Variants in LGALS2 observed in about 807,000 individuals in gnomAD.
The protein encoded by LGALS2 is galectin-2.
A neutral mutation model predicts 10.1 loss-of-function variants in LGALS2; 7 were observed. The observed-to-expected ratio is 0.70, with a 90% CI of 0.40 to 1.31. LGALS2 has a LOEUF of 1.31. Among genes scored for constraint, LGALS2 ranks in the 50% most tolerant of loss-of-function variants. LGALS2 has a pLI of 0.01. For missense variants in LGALS2, 167 were observed against 163.6 expected (o/e 1.02, Z -0.11); for synonymous variants, 86 against 64.2 (o/e 1.34, Z -1.63).
intron 1 of LGALS2, among the ~76,000 whole-genome samples, chr22:37,577,424 A>G (rs967230996): frequency 6.8e-6 from 1 of 147,274 alleles, no homozygotes. Flanking sequence ...ATCTCGGCTC[A>G]CTGCAACCTC....
intron 1 of LGALS2, among the ~76,000 whole-genome samples, chr22:37,574,970 C>G (rs924657785): frequency 2.0e-5 from 3 of 151,574 alleles, no homozygotes; most frequent in African/African-American, 7.3e-5. Context: ...GCAACCTCCA[C>G]TTCCCAGATT....
At position 37,580,040 on chromosome 22, in the gene LGALS2, C is replaced by T. The variant is rs1925804018; in HGVS notation, c.-135G>A. On this transcript the variant is annotated 5_prime_UTR_variant, in exon 1 of 4. Coordinates refer to ENST00000215886, the MANE Select transcript of LGALS2 (RefSeq NM_006498.3). ...GTCCTAGGTGAGGACTTTGCCCCTT[C>T]TACCTTGTGTCTCCCCGCCTGCATC... The T allele has an allele frequency of 3.7e-6, 3 of 801,708 alleles. No homozygotes were observed. Among genetic ancestry groups the T allele is most frequent in the East Asian group, 2.7e-5 (1 of 37,432 alleles). The allele number at this position is 801,708 out of a possible 1,614,324, so 49.7% of individuals were successfully genotyped here. A position where few individuals can be genotyped will look rare whatever the true frequency, so the allele number is the denominator to read the frequency against.
At chr22:37,575,944 A>G (rs1057214622) in intron 1 of LGALS2, among the ~76,000 whole-genome samples, 5 of 152,160 alleles carry the variant, frequency 3.3e-5, no homozygotes, top group African/African-American at 1.2e-4. Flanking sequence ...GTTGAGCAGT[A>G]TTCCTGGCCT....
At position 37,577,516 on chromosome 22, in the gene LGALS2, ATTT is replaced by A. The variant is rs71195027; in HGVS notation, c.6+2381_6+2383del. ...GGGTGCCCACCACAACATCTGTCTA[ATTT>A]TTTTTTCTTCTTCTTCTTCTTTTTT... On this transcript the variant is annotated intron_variant, in intron 1 of 3. Transcript: ENST00000215886. Among the ~76,000 whole-genome samples, 249 of 105,712 alleles carry A rather than the reference ATTT, an allele frequency of 2.4e-3. 9 individuals are homozygous for A. The highest frequency in any genetic ancestry group is 2.2e-3 in the Admixed American group (25 of 11,150). 69.4% of individuals were successfully genotyped at this position (105,712 alleles called of 152,430 possible).
At chr22:37,576,541 A>C (rs1385364606) in intron 1 of LGALS2, among the ~76,000 whole-genome samples, 1 of 151,956 alleles carries the variant, frequency 6.6e-6, no homozygotes, top group Non-Finnish European at 1.5e-5. Flanking sequence ...GGACAGTCCA[A>C]AAGGGGCTCA....
intron 2 of LGALS2, among the ~76,000 whole-genome samples, chr22:37,571,261 T>A (rs2145818331): frequency 6.6e-6 from 1 of 152,294 alleles, no homozygotes; most frequent in South Asian, 2.1e-4. Context: ...GAGAAATAAG[T>A]CACTTTTCCC....
At chr22:37,574,322 C>T (rs982886245) in intron 1 of LGALS2, among the ~76,000 whole-genome samples, 8 of 151,878 alleles carry the variant, frequency 5.3e-5, no homozygotes, top group African/African-American at 1.7e-4. Flanking sequence ...TTGAGACTGG[C>T]CTGGCCAACA....
intron 1 of LGALS2, among the ~76,000 whole-genome samples, chr22:37,574,835 G>A (rs547221978): frequency 1.3e-5 from 2 of 152,032 alleles, no homozygotes; most frequent in African/African-American, 4.8e-5. Flanking sequence ...TGTAGGGGTA[G>A]GTTGTTAGGT....
chr22:37,572,769 A>AATAATAATAATAAT (rs1925538787), intron 1 of LGALS2, among the ~76,000 whole-genome samples: 1 of 136,408 alleles, frequency 7.3e-6, no homozygotes, highest in African/African-American at 2.7e-5. Flanking sequence ...TCCATCTCAA[A>AATAATAATAATAAT]AATAATAATA....
At position 37,570,546 on chromosome 22, in the gene LGALS2, C is replaced by G. The variant is rs772111034; in HGVS notation, c.249+30G>C. 3.7e-6 allele frequency: 6 copies of G among 1,613,744 alleles called. No individual in the cohort carries two copies. The South Asian group carries it at 6.6e-5, about 18-fold the overall frequency. On this transcript the variant is annotated intron_variant, in intron 3 of 3. Transcript: ENST00000215886. ...CATCTGGGCCCTCCCCTTGACATCA[C>G]CCCAGTGCCCTTTCCCCCTTTGACC...
intron 1 of LGALS2, among the ~76,000 whole-genome samples, chr22:37,578,302 G>A (rs978728245): frequency 4.6e-5 from 7 of 152,108 alleles, no homozygotes; most frequent in African/African-American, 1.4e-4. Flanking sequence ...GTGGGTATAT[G>A]AGACAAGGTC....
intron 1 of LGALS2, among the ~76,000 whole-genome samples, chr22:37,574,865 G>A (rs2145821379): frequency 6.6e-6 from 1 of 151,898 alleles, no homozygotes; most frequent in Admixed American, 6.6e-5. Flanking sequence ...CTCTTCCACA[G>A]GCAGTAAGTT....
At chr22:37,576,329 G>A (rs1393211060) in intron 1 of LGALS2, among the ~76,000 whole-genome samples, 2 of 151,840 alleles carry the variant, frequency 1.3e-5, no homozygotes, top group Non-Finnish European at 2.9e-5. Flanking sequence ...GCAGGCGCCT[G>A]TAGTCCCAGC....
chr22:37,579,833 A>G (rs201222937), intron 1 of LGALS2, 67 bp downstream of exon 1: 3 of 1,547,490 alleles, frequency 1.9e-6, no homozygotes, highest in East Asian at 4.6e-5. Flanking sequence ...TTTCCCTAAA[A>G]GCCCCCACCC....
chr22:37,577,289 C>T (rs9622641), intron 1 of LGALS2, among the ~76,000 whole-genome samples: 55,430 of 151,478 alleles, frequency 0.37, 11,465 homozygotes, highest in South Asian at 0.53. Context: ...CATCCTGCAT[C>T]CCCCCTGCAC....
rs778633027 is a variant in LGALS2 at position 37,579,895 on chromosome 22, C to T, written c.6+5G>A. 6 of 1,610,298 alleles carry T rather than the reference C, an allele frequency of 3.7e-6. No individual in the cohort carries two copies. The South Asian group carries it at 6.7e-5, about 18-fold the overall frequency. ...GGGCAGGCAGCAGGGGGCTAGTGTC[C>T]TCACCGTCATGGTGACAGCTCCTGG... On this transcript the variant is annotated splice_donor_5th_base_variant and intron_variant, in intron 1 of 3. Coordinates refer to ENST00000215886, the MANE Select transcript of LGALS2 (RefSeq NM_006498.3).
Position 37,571,283 on chromosome 22 carries a change from G to A in LGALS2, c.90-548C>T, listed in dbSNP as rs116646458. The stretch of plus-strand genomic sequence containing the variant: ...AAGTCACTTTTCCCTTAGCTCCTAT[G>A]GCATGCACCTGCCCGCCCCCTCTCT... On this transcript the variant is annotated intron_variant, in intron 2 of 3. Coordinates refer to ENST00000215886, the MANE Select transcript of LGALS2 (RefSeq NM_006498.3). Among the ~76,000 whole-genome samples, 1,040 of 152,292 alleles carry A rather than the reference G, an allele frequency of 6.8e-3. 9 individuals are homozygous for A. Among genetic ancestry groups the A allele is most frequent in the African/African-American group, 0.024 (992 of 41,546 alleles).
chr22:37,576,092 C>A (rs998396478), intron 1 of LGALS2, among the ~76,000 whole-genome samples: 2 of 152,102 alleles, frequency 1.3e-5, no homozygotes, highest in Non-Finnish European at 2.9e-5. Context: ...CACCTAACTC[C>A]CCATGTCTTT....
intron 1 of LGALS2, among the ~76,000 whole-genome samples, chr22:37,573,255 AG>A (rs1458877241): frequency 6.6e-6 from 1 of 152,178 alleles, no homozygotes; most frequent in African/African-American, 2.4e-5. Flanking sequence ...TAGGCAACAG[AG>A]CAAGACTCTG....
Sources: allele counts gnomAD v4.1 joint callset (sites outside exome capture counted in the v4.1 genomes callset), GRCh38; gene constraint gnomAD v4.1.1; transcripts MANE v1.5; gene names NCBI Gene and HGNC (gene_info 2026-07-23, HGNC 2026-07-21).